Variants in SBF2 observed in about 807,000 individuals in gnomAD.
SBF2 encodes myotubularin-related protein 13.
Under a neutral mutation model 225.2 loss-of-function variants are expected in SBF2, and 112 were observed. The ratio of observed to expected loss-of-function variants is 0.50; its 90% CI spans 0.43 to 0.58. SBF2 has a LOEUF of 0.58. Among genes scored for constraint, SBF2 ranks in the 20% least tolerant of loss-of-function variants. The probability of loss-of-function intolerance (pLI) is 0.00; values close to 1 mark genes in which losing one functional copy is unlikely to be tolerated. For synonymous variants in SBF2, 763 were observed against 773.3 expected, an observed-to-expected ratio of 0.99 and a Z score of 0.22; for missense variants, 1,996 against 2,206.2, an observed-to-expected ratio of 0.90 and a Z score of 1.91.
At position 9,794,721 on chromosome 11, in the gene SBF2, G is replaced by A. The variant is rs190183083; in HGVS notation, c.4570+1110C>T. Reference sequence around the variant, plus strand: ...AAAAAAAAAAAAGACCAGGCCTGGGGCAGTTGTAACCAGTTATACTTACTA... The same window carrying A: ...AAAAAAAAAAAAGACCAGGCCTGGGACAGTTGTAACCAGTTATACTTACTA... On this transcript the variant is annotated intron_variant, in intron 33 of 39. Coordinates refer to ENST00000256190, the MANE Select transcript of SBF2 (RefSeq NM_030962.4). Among the ~76,000 whole-genome samples, 428 of 137,896 alleles carry A rather than the reference G, an allele frequency of 3.1e-3. 3 individuals carry two copies. Among genetic ancestry groups the A allele is most frequent in the South Asian group, 4.9e-3 (21 of 4,296 alleles). 90.5% of individuals were successfully genotyped at this position (137,896 alleles called of 152,430 possible). A position where few individuals can be genotyped will look rare whatever the true frequency, so the allele number is the denominator to read the frequency against.
chr11:9,905,919 G>C (rs766781146), intron 16 of SBF2, among the ~76,000 whole-genome samples: 26 of 152,108 alleles, frequency 1.7e-4, no homozygotes, highest in Non-Finnish European at 2.6e-4. Flanking sequence ...TCATTACCTT[G>C]GAGTCGTGTT....
intron 2 of SBF2, among the ~76,000 whole-genome samples, chr11:10,136,424 T>A (rs904082042): frequency 2.6e-5 from 4 of 152,268 alleles, no homozygotes; most frequent in Admixed American, 2.0e-4. Context: ...CTGGGGACTT[T>A]TAGCCCCATC....
rs1223543855 is a variant in SBF2 at position 9,966,619 on chromosome 11, T to C, written c.1600+1722A>G. ...ACAAAAGTTAGTAAAGGAAGACAAC[T>C]CACAGAATGGGGAAAAATTAGCAAA... On this transcript the variant is annotated intron_variant, in intron 14 of 39. Transcript: ENST00000256190. Among the ~76,000 whole-genome samples, 6 of 152,142 alleles carry C rather than the reference T, an allele frequency of 3.9e-5. No homozygotes were observed. In the East Asian group the frequency reaches 1.2e-3, roughly 29 times the overall value.
rs575949273 is a variant in SBF2 at position 10,207,380 on chromosome 11, C to T, written c.56-13393G>A. Among the ~76,000 whole-genome samples the T allele has an allele frequency of 5.3e-5, 8 of 152,158 alleles. 1 individual carries two copies. Among genetic ancestry groups the T allele is most frequent in the South Asian group, 4.2e-4 (2 of 4,810 alleles). On this transcript the variant is annotated intron_variant, in intron 1 of 39. Transcript: ENST00000256190. The stretch of plus-strand genomic sequence containing the variant: ...AAGGAAATTACAAAAGAAGCAATAC[C>T]GGAGCATCAGTGGCAAAACAAAAAT...
chr11:10,124,380 C>T (rs1953637457), intron 2 of SBF2, among the ~76,000 whole-genome samples: 1 of 152,172 alleles, frequency 6.6e-6, no homozygotes, highest in Non-Finnish European at 1.5e-5. Flanking sequence ...GTAACTTGTA[C>T]ATTTCCGTCC....
intron 2 of SBF2, among the ~76,000 whole-genome samples, chr11:10,174,904 C>T (rs1422515357): frequency 6.7e-6 from 1 of 149,490 alleles, no homozygotes; most frequent in Admixed American, 6.7e-5. Context: ...TCATATCCAG[C>T]CAAACTAAAC....
intron 1 of SBF2, among the ~76,000 whole-genome samples, chr11:10,289,975 C>G (rs963043714): frequency 4.6e-5 from 7 of 152,160 alleles, no homozygotes; most frequent in Non-Finnish European, 1.0e-4. Flanking sequence ...AGGGGACCCA[C>G]CAGCATCATT....
intron 2 of SBF2, among the ~76,000 whole-genome samples, chr11:10,127,855 T>C (rs1953833662): frequency 6.6e-6 from 1 of 152,196 alleles, no homozygotes; most frequent in African/African-American, 2.4e-5. Context: ...AAACCACTTC[T>C]ACCACTAAGT....
rs142695391 is a variant in SBF2, at chr11:9,962,444, T to C, written c.1711-338A>G. ...CAAAGCCATAGATACGTAAGACACC[T>C]TTCTATAACTAGTAAATTTTCCATG... is the stretch of plus-strand genomic sequence containing the variant. On this transcript the variant is annotated intron_variant, in intron 15 of 39. Transcript: ENST00000256190. Among the ~76,000 whole-genome samples, 16 of 152,282 alleles carry C rather than the reference T, an allele frequency of 1.1e-4. No homozygotes were observed. The East Asian group carries it at 2.5e-3, about 24-fold the overall frequency.
chr11:9,857,625 A>C (rs1183261658), intron 18 of SBF2, among the ~76,000 whole-genome samples: 1 of 152,264 alleles, frequency 6.6e-6, no homozygotes, highest in East Asian at 1.9e-4. Context: ...GATATAAGGC[A>C]CAGTGAAGTA....
intron 2 of SBF2, among the ~76,000 whole-genome samples, chr11:10,075,619 G>T (rs1422357579): frequency 6.6e-6 from 1 of 152,162 alleles, no homozygotes; most frequent in Admixed American, 6.5e-5. Context: ...TTCATTTGCT[G>T]TCTCTCCTGC....
chr11:10,223,256 C>A (rs1372808), intron 1 of SBF2, among the ~76,000 whole-genome samples: 3 of 150,692 alleles, frequency 2.0e-5, no homozygotes, highest in Non-Finnish European at 3.0e-5. Context: ...TACAGATGAC[C>A]CTTGAACAAC....
In SBF2 at chr11:9,959,351, C is replaced by A. The variant is rs1332132538; in HGVS notation, c.1860+2606G>T. 6 of 779,766 alleles carry A rather than the reference C, an allele frequency of 7.7e-6. No homozygotes were observed. The African/African-American group carries it at 1.0e-4, about 13-fold the overall frequency. The allele number at this position is 779,766 out of a possible 1,614,324, so 48.3% of individuals were successfully genotyped here. A position where few individuals can be genotyped will look rare whatever the true frequency, so the allele number is the denominator to read the frequency against. ...AGATGGACCCTGGGGCTCAGGGAAT[C>A]CACTGGAAGGCCAACCAAAGGGGTG... is the stretch of plus-strand genomic sequence containing the variant. On this transcript the variant is annotated intron_variant, in intron 16 of 39. Coordinates refer to ENST00000256190, the MANE Select transcript of SBF2 (RefSeq NM_030962.4).
At chr11:9,967,971 C>CTCTCTCTCTATATATATA (rs1260685462) in intron 14 of SBF2, among the ~76,000 whole-genome samples, 2 of 91,506 alleles carry the variant, frequency 2.2e-5, no homozygotes, top group African/African-American at 7.6e-5. Context: ...CTCTCTCTCT[C>CTCTCTCTCTATATATATA]TATATATATA....
intron 16 of SBF2, among the ~76,000 whole-genome samples, chr11:9,931,706 A>T (rs1020475271): frequency 2.0e-5 from 3 of 152,216 alleles, no homozygotes. Context: ...AATTCTAAAA[A>T]CCAGAGCACC....
At chr11:10,264,870 T>C (rs1351829340) in intron 1 of SBF2, among the ~76,000 whole-genome samples, 2 of 152,120 alleles carry the variant, frequency 1.3e-5, no homozygotes, top group Non-Finnish European at 2.9e-5. Context: ...TTGCTGAGAA[T>C]GGTTTCCAGC....
chr11:9,819,434 AAAGTAG>A (rs1854630156), intron 28 of SBF2: 2 of 152,214 alleles, frequency 1.3e-5, no homozygotes, highest in African/African-American at 4.8e-5. Flanking sequence ...AAATATAATA[AAAGTAG>A]AAGATTTAAT....
intron 16 of SBF2, among the ~76,000 whole-genome samples, chr11:9,936,763 G>A (rs556648758): frequency 1.3e-5 from 2 of 152,302 alleles, no homozygotes; most frequent in Non-Finnish European, 2.9e-5. Flanking sequence ...GAGAACATTT[G>A]GACACAGGGC....
At chr11:10,230,151 T>C (rs1958768806) in intron 1 of SBF2, among the ~76,000 whole-genome samples, 1 of 152,186 alleles carries the variant, frequency 6.6e-6, no homozygotes, top group Non-Finnish European at 1.5e-5. Flanking sequence ...CCTTTTTTTG[T>C]TTTCCGTTTG....
Sources: gnomAD v4.1 joint callset for allele counts (sites outside exome capture counted in the v4.1 genomes callset) on GRCh38, gnomAD v4.1.1 for gene constraint, MANE v1.5 for transcripts, NCBI Gene and HGNC (gene_info 2026-07-23, HGNC 2026-07-21) for gene names.